The following TCF4 variants were observed in gnomAD, a reference collection of about 807,000 sequenced individuals.
TCF4 encodes the protein SL3-3 enhancer factor 2.
A neutral mutation model predicts 82.1 loss-of-function variants in TCF4; 3 were observed. That is an observed-to-expected ratio of 0.04 (90% confidence interval 0.02 to 0.09). TCF4 has a LOEUF of 0.09. Ranked by LOEUF, TCF4 falls within the 10% of genes least tolerant of loss-of-function variation. The pLI is 1.00. For synonymous variants in TCF4, 276 were observed against 309.6 expected (o/e 0.89, Z 1.14); for missense variants, 518 against 852.7 (o/e 0.61, Z 4.89).
rs549199708 is a variant in TCF4 at position 55,344,400 on chromosome 18, T to C, written c.549+5959A>G. 3.1e-4 allele frequency among the ~76,000 whole-genome samples: 47 copies of C among 152,290 alleles called. No individual in the cohort carries two copies. The South Asian group carries it at 9.1e-3, about 30-fold the overall frequency. ...AAAAAGGTTTTATTTTCAAAATACA[T>C]GCAAGCCCTGTTATAATTCTCTCTG... is the stretch of plus-strand genomic sequence containing the variant. On this transcript the variant is annotated intron_variant, in intron 8 of 19. Transcript: ENST00000354452.
At chr18:55,384,280 C>G (rs539891479) in intron 6 of TCF4, 2 of 152,182 alleles carry the variant, frequency 1.3e-5, no homozygotes, top group Non-Finnish European at 2.9e-5. Flanking sequence ...TTAGATGGCA[C>G]GCTCACACTC....
Position 55,372,031 on chromosome 18 carries a change from G to A in TCF4, c.370-21028C>T, listed in dbSNP as rs1379193087. ...AGCATCTCCTTCCTTATAAGGTACT[G>A]TATTTGAAAGCATTTAGAATGTGTA... On this transcript the variant is annotated intron_variant, in intron 6 of 19. Coordinates refer to ENST00000354452, the MANE Select transcript of TCF4 (RefSeq NM_001083962.2). 2.6e-5 allele frequency among the ~76,000 whole-genome samples: 4 copies of A among 152,294 alleles called. No homozygotes were observed. The East Asian group carries it at 5.8e-4, about 22-fold the overall frequency.
chr18:55,537,676 GTA>G (rs1305284940), intron 3 of TCF4, among the ~76,000 whole-genome samples: 1 of 152,180 alleles, frequency 6.6e-6, no homozygotes, highest in Non-Finnish European at 1.5e-5. Context: ...ACGTGTGTGT[GTA>G]TAAGTTTGTT....
intron 3 of TCF4, among the ~76,000 whole-genome samples, chr18:55,524,275 T>C (rs1247350725): frequency 1.3e-5 from 2 of 152,190 alleles, no homozygotes; most frequent in Non-Finnish European, 2.9e-5. Flanking sequence ...ATGGTATTCA[T>C]TAATAACCAC....
At chr18:55,496,291 C>G (rs79440829) in intron 3 of TCF4, 1 of 151,968 alleles carries the variant, frequency 6.6e-6, no homozygotes, top group African/African-American at 2.4e-5. Context: ...AATTATGAAG[C>G]TTATCTAAAT....
At chr18:55,618,478 TTCTC>T (rs1200911690) in intron 2 of TCF4, among the ~76,000 whole-genome samples, 2 of 152,306 alleles carry the variant, frequency 1.3e-5, no homozygotes, top group African/African-American at 4.8e-5. Context: ...TATTTGAGTT[TTCTC>T]TCTTTTTTGT....
intron 6 of TCF4, among the ~76,000 whole-genome samples, chr18:55,380,541 C>T (rs1014296907): frequency 1.3e-5 from 2 of 152,124 alleles, no homozygotes; most frequent in Non-Finnish European, 1.5e-5. Context: ...CTAACACCAT[C>T]CCACTGGGGA....
intron 8 of TCF4, among the ~76,000 whole-genome samples, chr18:55,317,298 T>G (rs1423695311): frequency 6.6e-6 from 1 of 152,096 alleles, no homozygotes; most frequent in Non-Finnish European, 1.5e-5. Context: ...TTGATTACTT[T>G]GTGGCCTAAG....
chr18:55,532,117 G>A (rs1325478717), intron 3 of TCF4, among the ~76,000 whole-genome samples: 1 of 152,172 alleles, frequency 6.6e-6, no homozygotes, highest in Non-Finnish European at 1.5e-5. Flanking sequence ...GCACAGAGAA[G>A]TGGGTCATTT....
chr18:55,251,768 G>C (rs924519048), intron 15 of TCF4, among the ~76,000 whole-genome samples: 1 of 152,196 alleles, frequency 6.6e-6, no homozygotes, highest in African/African-American at 2.4e-5. Context: ...ACTCTCACCA[G>C]TGCTCTCTGC....
chr18:55,552,521 C>A (rs1344871454), intron 3 of TCF4, among the ~76,000 whole-genome samples: 1 of 152,130 alleles, frequency 6.6e-6, no homozygotes, highest in Non-Finnish European at 1.5e-5. Flanking sequence ...TAAGCAACAC[C>A]ACCTTAAAGC....
intron 15 of TCF4, among the ~76,000 whole-genome samples, chr18:55,248,068 A>C (rs372097495): frequency 1.3e-5 from 2 of 152,350 alleles, no homozygotes; most frequent in African/African-American, 4.8e-5. Context: ...CCATGGGAAT[A>C]ACTGCTTAGA....
intron 2 of TCF4, among the ~76,000 whole-genome samples, chr18:55,623,372 C>T (rs1023167408): frequency 3.3e-5 from 5 of 152,052 alleles, no homozygotes; most frequent in African/African-American, 9.7e-5. Flanking sequence ...GCATTATGAT[C>T]GTAGTGTCTA....
At chr18:55,482,337 T>A (rs112625117) in intron 3 of TCF4, 10 of 152,172 alleles carry the variant, frequency 6.6e-5, no homozygotes, top group African/African-American at 2.4e-4. Flanking sequence ...AAAAATACCA[T>A]GCATGGATTT....
chr18:55,362,499 T>C (rs2085728380), intron 6 of TCF4, among the ~76,000 whole-genome samples: 1 of 152,034 alleles, frequency 6.6e-6, no homozygotes, highest in Non-Finnish European at 1.5e-5. Context: ...CCTTCCACAC[T>C]GAAACAGGGA....
chr18:55,518,650 G>A (rs1451160163), intron 3 of TCF4, among the ~76,000 whole-genome samples: 2 of 152,104 alleles, frequency 1.3e-5, no homozygotes, highest in African/African-American at 2.4e-5. Flanking sequence ...GTGAAGCAAG[G>A]ATGAATAACC....
intron 3 of TCF4, among the ~76,000 whole-genome samples, chr18:55,522,183 T>TCTACTCTCCCTCCAGCGCCTC (rs1348643720): frequency 6.6e-6 from 1 of 152,186 alleles, no homozygotes; most frequent in Non-Finnish European, 1.5e-5. Context: ...CCTCTAGCCT[T>TCTACTCTCCCTCCAGCGCCTC]CTACTCTCCC....
At chr18:55,303,236 C>CACACACACACACACACCCCT in intron 8 of TCF4, among the ~76,000 whole-genome samples, 1 of 148,544 alleles carries the variant, frequency 6.7e-6, no homozygotes, top group African/African-American at 2.5e-5. Context: ...TACACACACA[C>CACACACACACACACACCCCT]ACACACACAC....
intron 15 of TCF4, among the ~76,000 whole-genome samples, chr18:55,249,511 C>T (rs902283963): frequency 6.6e-6 from 1 of 152,126 alleles, no homozygotes; most frequent in Non-Finnish European, 1.5e-5. Context: ...GATGACCACT[C>T]CTCTACTAAA....
Sources: allele counts gnomAD v4.1 joint callset (sites outside exome capture counted in the v4.1 genomes callset), GRCh38; gene constraint gnomAD v4.1.1; transcripts MANE v1.5; gene names NCBI Gene and HGNC (gene_info 2026-07-23, HGNC 2026-07-21).